Variants in WBP1L observed in about 807,000 individuals in gnomAD.
WBP1L encodes WW domain binding protein 1 like.
A neutral mutation model predicts 33.7 loss-of-function variants in WBP1L; 17 were observed. The ratio of observed to expected loss-of-function variants is 0.50; its 90% CI spans 0.34 to 0.76. The LOEUF is 0.76. Ranked by LOEUF, WBP1L falls within the 30% of genes least tolerant of loss-of-function variation. The pLI, the probability that WBP1L is intolerant of heterozygous loss-of-function variation, is 0.01. For synonymous variants in WBP1L, 173 were observed against 190.8 expected (o/e 0.91, Z 0.77); for missense variants, 389 against 469.4 (o/e 0.83, Z 1.58).
intron 1 of WBP1L, among the ~76,000 whole-genome samples, chr10:102,772,720 C>T (rs1325384911): frequency 4.0e-5 from 6 of 150,544 alleles, no homozygotes. Flanking sequence ...CAGGCATGTG[C>T]CACCATGCCC....
intron 1 of WBP1L, among the ~76,000 whole-genome samples, chr10:102,791,601 C>G (rs1229014429): frequency 6.6e-6 from 1 of 152,134 alleles, no homozygotes; most frequent in African/African-American, 2.4e-5. Context: ...GAGTTCAAGA[C>G]CAGCCTGGGC....
chr10:102,804,618 C>A (rs1301378957), intron 2 of WBP1L, among the ~76,000 whole-genome samples: 1 of 152,074 alleles, frequency 6.6e-6, no homozygotes, highest in African/African-American at 2.4e-5. Flanking sequence ...CAGGTTTATT[C>A]CTCACTCACA....
intron 1 of WBP1L, among the ~76,000 whole-genome samples, chr10:102,750,961 C>T (rs1232492126): frequency 6.6e-6 from 1 of 152,058 alleles, no homozygotes; most frequent in East Asian, 1.9e-4. Flanking sequence ...GTGAATGGTA[C>T]ACTATGTGGT....
At position 102,816,232 on chromosome 10, in the gene WBP1L, G is replaced by A. The variant is rs1463373227; in HGVS notation, c.*2901G>A. 2 of 152,672 alleles carry A rather than the reference G, an allele frequency of 1.3e-5. No homozygotes were observed. The highest frequency in any genetic ancestry group is 2.9e-5 in the Non-Finnish European group (2 of 68,048). 9.5% of individuals were successfully genotyped at this position (152,672 alleles called of 1,614,324 possible). On this transcript the variant is annotated 3_prime_UTR_variant, in exon 4 of 4. Coordinates refer to ENST00000448841, the MANE Select transcript of WBP1L (RefSeq NM_001083913.2). ...AAGACAGAGTGGCTCTAACCACTGT[G>A]AGAAGCCCAAATAAAAATTGATCCC...
At chr10:102,778,020 A>G (rs1243731811) in intron 1 of WBP1L, among the ~76,000 whole-genome samples, 6 of 152,074 alleles carry the variant, frequency 3.9e-5, no homozygotes, top group African/African-American at 1.4e-4. Context: ...GTGGGCTGGG[A>G]GCTGGAAAGA....
At chr10:102,772,873 C>T (rs767000547) in intron 1 of WBP1L, among the ~76,000 whole-genome samples, 2 of 151,626 alleles carry the variant, frequency 1.3e-5, no homozygotes, top group Non-Finnish European at 2.9e-5. Context: ...CCCAGCCAAC[C>T]TGCAACATTT....
intron 1 of WBP1L, among the ~76,000 whole-genome samples, chr10:102,751,173 G>T (rs1033111394): frequency 1.3e-5 from 2 of 151,942 alleles, no homozygotes; most frequent in Non-Finnish European, 2.9e-5. Flanking sequence ...GCTAACTTTT[G>T]TATTTTTTAG....
chr10:102,816,031 G>GACT lies in WBP1L; in HGVS notation c.*2700_*2701insACT, dbSNP rs1843938008. On this transcript the variant is annotated 3_prime_UTR_variant, in exon 4 of 4. Coordinates refer to ENST00000448841, the MANE Select transcript of WBP1L (RefSeq NM_001083913.2). The stretch of plus-strand genomic sequence containing the variant: ...TCCACGTGAATGAGACGGGGTCGGT[G>GACT]GAGGGTTTGGTGCTACAGCCAGTCA... 2 of 152,670 alleles carry GACT rather than the reference G, an allele frequency of 1.3e-5. No individual in the cohort carries two copies. The highest frequency in any genetic ancestry group is 4.8e-5 in the African/African-American group (2 of 41,452). The allele number at this position is 152,670 out of a possible 1,614,324, so 9.5% of individuals were successfully genotyped here. A position where few individuals can be genotyped will look rare whatever the true frequency, so the allele number is the denominator to read the frequency against.
At chr10:102,809,023 C>A (rs778194167) in intron 2 of WBP1L, among the ~76,000 whole-genome samples, 2 of 152,198 alleles carry the variant, frequency 1.3e-5, no homozygotes, top group Non-Finnish European at 2.9e-5. Flanking sequence ...CTTGTGCCTT[C>A]CCCCAAGGTG....
At chr10:102,776,614 C>G (rs770426077) in intron 1 of WBP1L, among the ~76,000 whole-genome samples, 4 of 152,266 alleles carry the variant, frequency 2.6e-5, no homozygotes, top group Middle Eastern at 3.4e-3. Flanking sequence ...TGTTCTTAAC[C>G]CTCTACGTCC....
chr10:102,785,672 TA>T, intron 1 of WBP1L, among the ~76,000 whole-genome samples: 1 of 152,182 alleles, frequency 6.6e-6, no homozygotes. Flanking sequence ...GACAGTAGGC[TA>T]AACTGCCCCT....
chr10:102,776,838 G>T (rs1007045116), intron 1 of WBP1L, among the ~76,000 whole-genome samples: 3 of 152,086 alleles, frequency 2.0e-5, no homozygotes, highest in Admixed American at 1.3e-4. Context: ...AAGGGACTCT[G>T]TGTTGGGGGT....
chr10:102,809,328 T>A (rs1263047812), intron 2 of WBP1L, among the ~76,000 whole-genome samples: 1 of 151,882 alleles, frequency 6.6e-6, no homozygotes, highest in Admixed American at 6.6e-5. Context: ...TCTGCACGCC[T>A]CGGCCTCCCA....
intron 1 of WBP1L, among the ~76,000 whole-genome samples, chr10:102,796,701 C>G (rs1167969165): frequency 6.6e-6 from 1 of 152,182 alleles, no homozygotes; most frequent in Non-Finnish European, 1.5e-5. Flanking sequence ...ATGTCTTATT[C>G]ATCTTTGTAT....
chr10:102,776,284 A>C (rs1590176909), intron 1 of WBP1L: 1 of 1,610,066 alleles, frequency 6.2e-7, no homozygotes, highest in East Asian at 2.2e-5. Context: ...AGGCCGGTGA[A>C]CCAGGACCAC....
At chr10:102,797,802 C>A (rs578115978) in intron 1 of WBP1L, among the ~76,000 whole-genome samples, 191 bp from the exon 2 acceptor site, 3 of 152,124 alleles carry the variant, frequency 2.0e-5, no homozygotes, top group Non-Finnish European at 4.4e-5. Flanking sequence ...CTGCCTGCCT[C>A]GGCCTCCCAA....
intron 1 of WBP1L, chr10:102,776,254 T>A: frequency 6.3e-7 from 1 of 1,588,334 alleles, no homozygotes; most frequent in Non-Finnish European, 8.6e-7. Context: ...CTCTGTTTAC[T>A]TTGTCTGCTT....
chr10:102,795,154 T>C (rs1843556787), intron 1 of WBP1L, among the ~76,000 whole-genome samples: 1 of 152,186 alleles, frequency 6.6e-6, no homozygotes, highest in Non-Finnish European at 1.5e-5. Context: ...ATTAAGTAGA[T>C]GACATGAGAT....
intron 1 of WBP1L, among the ~76,000 whole-genome samples, chr10:102,747,099 C>G (rs926337740): frequency 6.6e-6 from 1 of 152,286 alleles, no homozygotes; most frequent in Admixed American, 6.5e-5. Flanking sequence ...CATGGTGGCT[C>G]ACCCCTGTAA....
Sources: allele counts gnomAD v4.1 joint callset (sites outside exome capture counted in the v4.1 genomes callset), GRCh38; gene constraint gnomAD v4.1.1; transcripts MANE v1.5; gene names NCBI Gene and HGNC (gene_info 2026-07-23, HGNC 2026-07-21).